Variants in PLEKHA8 observed in about 807,000 individuals in gnomAD.
PLEKHA8 encodes pleckstrin homology domain containing A8, also known as pleckstrin homology domain-containing family A member 8.
Under a neutral mutation model 68.2 loss-of-function variants are expected in PLEKHA8, and 36 were observed. That is an observed-to-expected ratio of 0.53 (90% CI 0.40 to 0.70). The LOEUF is 0.70. PLEKHA8 is among the 30% of genes least tolerant of loss of function. The pLI is 0.00. For synonymous variants in PLEKHA8, 211 were observed against 216.1 expected (o/e 0.98, Z 0.20); for missense variants, 505 against 615.4 (o/e 0.82, Z 1.90).
At chr7:30,041,643 C>T (rs989567875) in intron 1 of PLEKHA8, among the ~76,000 whole-genome samples, 1 of 152,058 alleles carries the variant, frequency 6.6e-6, no homozygotes, top group Admixed American at 6.6e-5. Context: ...AGTTGTCCTG[C>T]CTCAGTCTCC....
intron 13 of PLEKHA8, among the ~76,000 whole-genome samples, chr7:30,097,498 C>G (rs563188949): frequency 1.3e-5 from 2 of 152,226 alleles, no homozygotes; most frequent in South Asian, 4.1e-4. Context: ...TTACATAGTC[C>G]CATATTTCTT....
chr7:30,052,954 C>T, intron 7 of PLEKHA8, 88 bp downstream of exon 7: 4 of 1,114,784 alleles, frequency 3.6e-6, no homozygotes, highest in Non-Finnish European at 5.1e-6. Context: ...AGGGATTAAC[C>T]TCAAGACCAT....
chr7:30,040,631 C>A (rs1791458524), intron 1 of PLEKHA8, among the ~76,000 whole-genome samples: 1 of 152,068 alleles, frequency 6.6e-6, no homozygotes, highest in Non-Finnish European at 1.5e-5. Context: ...GAGTTTTCAT[C>A]AATGGAAAAG....
intron 9 of PLEKHA8, among the ~76,000 whole-genome samples, chr7:30,056,600 G>A (rs556955837): frequency 1.1e-4 from 16 of 146,474 alleles, no homozygotes; most frequent in Non-Finnish European, 1.5e-4. Context: ...GTGGTGGCGC[G>A]CACCTGTAAT....
At chr7:30,115,980 G>T (rs941600721) in intron 13 of PLEKHA8, 1 of 137,958 alleles carries the variant, frequency 7.2e-6, no homozygotes, top group African/African-American at 2.6e-5. Flanking sequence ...GTGCATGCAT[G>T]CATGTATGCA....
intron 9 of PLEKHA8, among the ~76,000 whole-genome samples, chr7:30,058,810 A>G (rs766672733): frequency 2.4e-4 from 36 of 152,188 alleles, no homozygotes; most frequent in Non-Finnish European, 1.9e-4. Context: ...CTCTAAACCA[A>G]TTAGGGGAAA....
intron 1 of PLEKHA8, among the ~76,000 whole-genome samples, chr7:30,034,669 CAGAGGA>C (rs375452233): frequency 1.1e-4 from 17 of 152,150 alleles, no homozygotes; most frequent in East Asian, 3.9e-4. Flanking sequence ...ATTGAGGAGG[CAGAGGA>C]AGAGGAAGAG....
At chr7:30,059,310 T>G (rs1793245246) in intron 9 of PLEKHA8, among the ~76,000 whole-genome samples, 1 of 152,260 alleles carries the variant, frequency 6.6e-6, no homozygotes, top group African/African-American at 2.4e-5. Context: ...CATTTTCCGA[T>G]TATTAATAGC....
At chr7:30,130,423 G>GA (rs1796853741), downstream of PLEKHA8, 1 of 152,116 alleles carries the variant, frequency 6.6e-6, no homozygotes, top group African/African-American at 2.4e-5. Context: ...GGGCAAGGGG[G>GA]AATCATTGAA....
downstream of PLEKHA8, among the ~76,000 whole-genome samples, chr7:30,085,714 A>C (rs56083869): frequency 3.3e-5 from 5 of 152,138 alleles, no homozygotes; most frequent in African/African-American, 1.2e-4. Flanking sequence ...GTCCGTTAGA[A>C]TTGAGAGTGG....
chr7:30,049,154 G>A, intron 4 of PLEKHA8, 70 bp from the exon 5 acceptor site: 3 of 1,580,266 alleles, frequency 1.9e-6, no homozygotes, highest in Non-Finnish European at 2.6e-6. Flanking sequence ...CAACCTCTAA[G>A]GACATTCCAC....
intron 1 of PLEKHA8, among the ~76,000 whole-genome samples, chr7:30,038,659 GA>G (rs1216487663): frequency 6.6e-6 from 1 of 152,114 alleles, no homozygotes; most frequent in Non-Finnish European, 1.5e-5. Flanking sequence ...GCCAAATAAT[GA>G]ATTTTATTTT....
At chr7:30,120,343 G>C (rs111733065) in intron 13 of PLEKHA8, among the ~76,000 whole-genome samples, 1 of 152,148 alleles carries the variant, frequency 6.6e-6, no homozygotes, top group Non-Finnish European at 1.5e-5. Context: ...GGAAAGTAAC[G>C]TACAAAAAAG....
intron 9 of PLEKHA8, 122 bp downstream of exon 9, chr7:30,055,464 A>C (rs542305954): frequency 2.4e-6 from 2 of 818,106 alleles, no homozygotes; most frequent in Non-Finnish European, 4.2e-6. Context: ...TATTTGTTCA[A>C]ATCACCAGAC....
At chr7:30,072,163 C>G (rs1299531379) in intron 12 of PLEKHA8, 1 of 152,212 alleles carries the variant, frequency 6.6e-6, no homozygotes, top group East Asian at 1.9e-4. Flanking sequence ...CCTTTAGGCT[C>G]TAAGAGTCTT....
intron 1 of PLEKHA8, among the ~76,000 whole-genome samples, chr7:30,039,586 T>C (rs1013784328): frequency 3.8e-4 from 58 of 152,218 alleles, no homozygotes; most frequent in Non-Finnish European, 3.7e-4. Context: ...TTATCGTAAA[T>C]GGATTTGTTT....
At chr7:30,028,881 G>A in intron 1 of PLEKHA8, 79 bp downstream of exon 1, 2 of 1,225,276 alleles carry the variant, frequency 1.6e-6, no homozygotes, top group Non-Finnish European at 2.1e-6. Flanking sequence ...GTCTGGACCC[G>A]TCTTAGGGAG....
Position 30,060,935 on chromosome 7 carries a change from A to G in PLEKHA8, c.1091A>G (p.Asn364Ser), listed in dbSNP as rs750910104. ...CCTGTTAAGATGGATCTTGTTGGAA[A>G]TATTAAGGTGAGCATACTGGTTTGT... ...FAPVKMDLVG[N>S]IKKVNQKYIT... The change falls in exon 10 of 14, where the codon AAT becomes AGT. Residue 364 changes from asparagine to serine, a missense_variant. Physicochemically the swap from Asn to Ser is conservative, Grantham distance 46 (BLOSUM62 1). Transcript: ENST00000449726. 2 of 1,613,444 alleles carry G rather than the reference A, an allele frequency of 1.2e-6. No individual in the cohort carries two copies.
chr7:30,094,792 C>T (rs761947587), downstream of PLEKHA8, among the ~76,000 whole-genome samples: 1 of 149,488 alleles, frequency 6.7e-6, no homozygotes, highest in African/African-American at 2.5e-5. Context: ...TTTTTGTCCT[C>T]GTGATAATTT....
Sources: gnomAD v4.1 joint callset for allele counts (sites outside exome capture counted in the v4.1 genomes callset) on GRCh38, gnomAD v4.1.1 for gene constraint, MANE v1.5 for transcripts, NCBI Gene and HGNC (gene_info 2026-07-23, HGNC 2026-07-21) for gene names.